MTA3: variants seen among roughly 807,000 people sequenced by gnomAD.
MTA3 encodes the protein metastasis associated 1 family member 3, also known as metastasis-associated protein MTA3.
MTA3 carries 34 observed loss-of-function variants against 83.5 expected under a neutral mutation model. The observed-to-expected ratio is 0.41, with a 90% CI of 0.31 to 0.54. The LOEUF is 0.54. MTA3 is among the 20% of genes least tolerant of loss of function. The pLI, the probability that MTA3 is intolerant of heterozygous loss-of-function variation, is 0.33. For missense variants in MTA3, 761 were observed against 726.4 expected (o/e 1.05, Z -0.55); for synonymous variants, 303 against 252.7 (o/e 1.20, Z -1.89).
Position 42,633,718 on chromosome 2 carries a change from C to T in MTA3, c.318-6455C>T, listed in dbSNP as rs1034642086. ...CATCCTGGCTAACACAGTGAAACCC[C>T]GTCTCTACTAAAAATACAAAAAAAA... On this transcript the variant is annotated intron_variant, in intron 4 of 16. Coordinates refer to ENST00000405094, the MANE Select transcript of MTA3 (RefSeq NM_001330442.2). 5.3e-5 allele frequency among the ~76,000 whole-genome samples: 8 copies of T among 151,974 alleles called. No individual in the cohort carries two copies. In the South Asian group the frequency reaches 6.2e-4, roughly 12 times the overall value.
chr2:42,722,883 C>T lies in MTA3; in HGVS notation c.1613-6C>T, dbSNP rs1223851443. The T allele has an allele frequency of 6.5e-7, 1 of 1,549,914 alleles. No homozygotes were observed. Among genetic ancestry groups the T allele is most frequent in the Non-Finnish European group, 8.7e-7 (1 of 1,146,762 alleles). On this transcript the variant is annotated splice_region_variant and splice_polypyrimidine_tract_variant and intron_variant, in intron 15 of 16. Transcript: ENST00000405094. Reference sequence around the variant, plus strand: ...CTGAATTGAGAAACCTTTTTTCCCCCATCAGAGATCCATCCTGCAAAGAAA... The same window carrying T: ...CTGAATTGAGAAACCTTTTTTCCCCTATCAGAGATCCATCCTGCAAAGAAA...
At chr2:42,499,328 G>A (rs115731128) in intron 2 of MTA3, among the ~76,000 whole-genome samples, 3,702 of 151,414 alleles carry the variant, frequency 0.024, 63 homozygotes, top group Non-Finnish European at 0.033. Flanking sequence ...CCATCACCCC[G>A]GCTAATATTG....
chr2:42,521,224 G>T (rs1675415844), intron 2 of MTA3, among the ~76,000 whole-genome samples: 1 of 152,190 alleles, frequency 6.6e-6, no homozygotes, highest in African/African-American at 2.4e-5. Flanking sequence ...GGAGCCAGCT[G>T]CCATGTTGTG....
At chr2:42,645,427 A>C (rs907637061) in intron 6 of MTA3, among the ~76,000 whole-genome samples, 40 of 152,182 alleles carry the variant, frequency 2.6e-4, no homozygotes, top group African/African-American at 9.6e-4. Flanking sequence ...CGGGAGGCTG[A>C]GGCAAGAGAA....
chr2:42,562,968 A>T (rs1347838148), intron 2 of MTA3, among the ~76,000 whole-genome samples: 1 of 152,004 alleles, frequency 6.6e-6, no homozygotes, highest in Non-Finnish European at 1.5e-5. Context: ...ACAGCTCCCC[A>T]TAAGCCTTGT....
intron 2 of MTA3, among the ~76,000 whole-genome samples, chr2:42,499,007 A>G (rs1674273460): frequency 6.6e-6 from 1 of 152,168 alleles, no homozygotes; most frequent in African/African-American, 2.4e-5. Context: ...CCCAAGATTC[A>G]GAGTGGTCTT....
chr2:42,596,210 G>A (rs1045167638), intron 3 of MTA3, among the ~76,000 whole-genome samples: 1 of 152,238 alleles, frequency 6.6e-6, no homozygotes, highest in African/African-American at 2.4e-5. Flanking sequence ...CTTAGTCTAT[G>A]AAGTGTGTAG....
At chr2:42,511,342 C>T (rs368908294) in intron 2 of MTA3, among the ~76,000 whole-genome samples, 1 of 150,590 alleles carries the variant, frequency 6.6e-6, no homozygotes, top group Non-Finnish European at 1.5e-5. Context: ...GATCTCATTA[C>T]CTTTCTACGT....
chr2:42,737,795 C>T (rs1668716437), intron 16 of MTA3, among the ~76,000 whole-genome samples: 1 of 152,172 alleles, frequency 6.6e-6, no homozygotes, highest in South Asian at 2.1e-4. Context: ...GGGATCTAAA[C>T]TCCAAATCTA....
At chr2:42,720,953 A>C (rs1667363180) in intron 15 of MTA3, among the ~76,000 whole-genome samples, 1 of 58,686 alleles carries the variant, frequency 1.7e-5, no homozygotes, top group Non-Finnish European at 3.1e-5. Context: ...CCCTGTCTCA[A>C]AAAAAAAAAA....
chr2:42,644,225 T>A lies in MTA3; in HGVS notation c.480T>A (p.Ile160=), dbSNP rs1481101273. ...TGGGACCTAGATATCAAGCAGACAT[T>A]CCAGAAATGCTGTTAGAAGGTACGT... is the stretch of plus-strand genomic sequence containing the variant. ...IRVGPRYQAD[I]PEMLLEGESD... is the part of the protein sequence containing the mutation. The change falls in exon 6 of 17, where the codon ATT becomes ATA. Residue 160 remains isoleucine (I), a synonymous_variant. Transcript: ENST00000405094. 11 of 1,610,100 alleles carry A rather than the reference T, an allele frequency of 6.8e-6. No homozygotes were observed. The highest frequency in any genetic ancestry group is 9.3e-6 in the Non-Finnish European group (11 of 1,178,286).
intron 8 of MTA3, among the ~76,000 whole-genome samples, chr2:42,669,318 A>G (rs999244137): frequency 1.3e-5 from 2 of 152,040 alleles, no homozygotes; most frequent in Non-Finnish European, 2.9e-5. Flanking sequence ...TCCTGACCTC[A>G]AAGTGATCTG....
At position 42,669,474 on chromosome 2, in the gene MTA3, C is replaced by T. The variant is rs540113530; in HGVS notation, c.702+9612C>T. On this transcript the variant is annotated intron_variant, in intron 8 of 16. Transcript: ENST00000405094. ...AATGGACATAAAATTGATGGGGATT[C>T]GTATAACTTAAAAACCCATGAAAAA... Among the ~76,000 whole-genome samples, 31 of 152,192 alleles carry T rather than the reference C, an allele frequency of 2.0e-4. 1 individual carries two copies. In the South Asian group the frequency reaches 6.2e-3, roughly 31 times the overall value.
At chr2:42,494,190 GA>G (rs1255172082), upstream of MTA3, 1 of 152,166 alleles carries the variant, frequency 6.6e-6, no homozygotes, top group African/African-American at 2.4e-5. Flanking sequence ...CCCGCCTCGT[GA>G]CGCCGTCCTC....
chr2:42,699,394 C>G (rs1373309600), intron 11 of MTA3, among the ~76,000 whole-genome samples: 1 of 152,048 alleles, frequency 6.6e-6, no homozygotes, highest in African/African-American at 2.4e-5. Flanking sequence ...GACAGTGTCT[C>G]CCTATGTTAC....
At chr2:42,734,322 C>G (rs1436214602) in intron 16 of MTA3, among the ~76,000 whole-genome samples, 1 of 151,050 alleles carries the variant, frequency 6.6e-6, no homozygotes, top group Non-Finnish European at 1.5e-5. Context: ...GTCTTTAAAT[C>G]TTTTTTGTCT....
At chr2:42,580,474 C>G (rs757495118) in intron 3 of MTA3, among the ~76,000 whole-genome samples, 1 of 151,958 alleles carries the variant, frequency 6.6e-6, no homozygotes, top group Admixed American at 6.6e-5. Context: ...TGGGTTCAGG[C>G]GACTCTCCTG....
intron 2 of MTA3, among the ~76,000 whole-genome samples, chr2:42,533,708 T>C (rs1425657317): frequency 1.3e-5 from 2 of 149,196 alleles, no homozygotes; most frequent in African/African-American, 2.4e-5. Context: ...GGCGGGCGCC[T>C]GTAGTCCCAG....
At chr2:42,584,852 C>T (rs917605294) in intron 3 of MTA3, among the ~76,000 whole-genome samples, 1 of 151,766 alleles carries the variant, frequency 6.6e-6, no homozygotes, top group Non-Finnish European at 1.5e-5. Flanking sequence ...TTGCACTCCA[C>T]CCTGGGTGAC....
Sources: gnomAD v4.1 joint callset for allele counts (sites outside exome capture counted in the v4.1 genomes callset) on GRCh38, gnomAD v4.1.1 for gene constraint, MANE v1.5 for transcripts, NCBI Gene and HGNC (gene_info 2026-07-23, HGNC 2026-07-21) for gene names.